NELL1: variants seen among roughly 807,000 people sequenced by gnomAD.
NELL1 encodes the protein neural EGFL like 1.
NELL1 carries 76 observed loss-of-function variants against 107.4 expected under a neutral mutation model. The ratio of observed to expected loss-of-function variants is 0.71; its 90% CI spans 0.59 to 0.86. The LOEUF is 0.86. NELL1 is among the 40% of genes least tolerant of loss of function. The pLI is 0.00. For missense variants in NELL1, 1,024 were observed against 1,005.5 expected (o/e 1.02, Z -0.25); for synonymous variants, 353 against 341.2 (o/e 1.03, Z -0.38).
chr11:20,956,721 GT>G (rs1281356526), intron 11 of NELL1, among the ~76,000 whole-genome samples: 1 of 151,758 alleles, frequency 6.6e-6, no homozygotes, highest in Non-Finnish European at 1.5e-5. Flanking sequence ...GATTTATACT[GT>G]TTGTTAGCTG....
At chr11:21,134,983 C>G (rs1855711821) in intron 13 of NELL1, among the ~76,000 whole-genome samples, 1 of 152,120 alleles carries the variant, frequency 6.6e-6, no homozygotes, top group Admixed American at 6.6e-5. Flanking sequence ...GTGTAAAAGA[C>G]CGAATGCCTA....
chr11:21,317,495 A>T (rs1011076902), intron 14 of NELL1, among the ~76,000 whole-genome samples: 1 of 152,012 alleles, frequency 6.6e-6, no homozygotes. Flanking sequence ...TGCCTTACAT[A>T]TTTTATCTCT....
At chr11:20,832,360 G>A (rs983964183) in intron 3 of NELL1, among the ~76,000 whole-genome samples, 11 of 152,042 alleles carry the variant, frequency 7.2e-5, no homozygotes, top group Middle Eastern at 3.2e-3. Context: ...GTTCTCTCGC[G>A]GTACTTATCC....
chr11:21,364,312 G>A (rs1851159919), intron 14 of NELL1, among the ~76,000 whole-genome samples: 1 of 148,682 alleles, frequency 6.7e-6, no homozygotes, highest in African/African-American at 2.5e-5. Flanking sequence ...TCGGGAGGCC[G>A]AGGCAGTAGA....
chr11:21,207,811 G>A (rs577769695), intron 13 of NELL1, among the ~76,000 whole-genome samples: 1 of 152,222 alleles, frequency 6.6e-6, no homozygotes, highest in East Asian at 1.9e-4. Flanking sequence ...ACAGTGCTGG[G>A]ATTTGTATCT....
intron 11 of NELL1, among the ~76,000 whole-genome samples, chr11:20,959,825 TA>T (rs2134213695): frequency 6.6e-6 from 1 of 152,276 alleles, no homozygotes; most frequent in East Asian, 1.9e-4. Context: ...AAATATTTTT[TA>T]AAAAAGCATA....
chr11:21,562,402 T>G (rs1472501597), intron 17 of NELL1, among the ~76,000 whole-genome samples: 1 of 151,872 alleles, frequency 6.6e-6, no homozygotes, highest in Non-Finnish European at 1.5e-5. Context: ...ACAGGCAGAT[T>G]TCTGTACATA....
chr11:20,723,232 A>G (rs2403619), intron 2 of NELL1, among the ~76,000 whole-genome samples: 107,764 of 152,106 alleles, frequency 0.71, 41,332 homozygotes, highest in East Asian at 0.95. Context: ...GTAAAGTCTT[A>G]ACTCAGTCCA....
At chr11:20,677,571 G>C (rs996863730) in intron 1 of NELL1, among the ~76,000 whole-genome samples, 4 of 152,182 alleles carry the variant, frequency 2.6e-5, no homozygotes, top group South Asian at 2.1e-4. Flanking sequence ...TGTTGTACTT[G>C]ATTATGGGGT....
intron 3 of NELL1, among the ~76,000 whole-genome samples, chr11:20,790,903 A>T (rs1453670252): frequency 2.0e-5 from 3 of 152,224 alleles, no homozygotes; most frequent in African/African-American, 7.2e-5. Flanking sequence ...GCTGCTCCAG[A>T]CAGCCTGCCG....
intron 14 of NELL1, among the ~76,000 whole-genome samples, chr11:21,254,678 G>A (rs886815062): frequency 1.3e-5 from 2 of 152,052 alleles, no homozygotes; most frequent in Admixed American, 6.6e-5. Flanking sequence ...GGCGGTTCAG[G>A]TGGCAGATAC....
chr11:21,262,985 C>A (rs868860878), intron 14 of NELL1, among the ~76,000 whole-genome samples: 2 of 151,806 alleles, frequency 1.3e-5, no homozygotes, highest in African/African-American at 4.8e-5. Context: ...CTGGAGACTT[C>A]GTTCACTTTA....
At chr11:21,502,316 G>A (rs1241640940) in intron 15 of NELL1, among the ~76,000 whole-genome samples, 1 of 152,140 alleles carries the variant, frequency 6.6e-6, no homozygotes, top group Non-Finnish European at 1.5e-5. Context: ...CACATGACAA[G>A]GTAGCAACAG....
intron 14 of NELL1, among the ~76,000 whole-genome samples, chr11:21,309,646 G>A (rs1590825182): frequency 6.6e-6 from 1 of 152,074 alleles, no homozygotes. Flanking sequence ...AAGGAAAAGA[G>A]GCTTAATGGA....
intron 5 of NELL1, among the ~76,000 whole-genome samples, chr11:20,916,629 G>A (rs900494993): frequency 3.3e-5 from 5 of 151,854 alleles, no homozygotes; most frequent in African/African-American, 9.7e-5. Context: ...CATCGCCTGG[G>A]GTAACCAGCT....
At chr11:20,836,312 G>A (rs1848534323) in intron 3 of NELL1, among the ~76,000 whole-genome samples, 1 of 151,416 alleles carries the variant, frequency 6.6e-6, no homozygotes, top group Admixed American at 6.6e-5. Flanking sequence ...TTGCTGGTGG[G>A]AATGAATAGC....
chr11:21,360,557 T>C (rs1851053692), intron 14 of NELL1, among the ~76,000 whole-genome samples: 1 of 152,188 alleles, frequency 6.6e-6, no homozygotes, highest in Non-Finnish European at 1.5e-5. Context: ...ACTTTCCATC[T>C]TGATAATCTG....
chr11:21,575,302 G>T lies in NELL1; in HGVS notation c.*280G>T, dbSNP rs752733213. 1 of 339,600 alleles carries T rather than the reference G, an allele frequency of 2.9e-6. No individual in the cohort carries two copies. Among genetic ancestry groups the T allele is most frequent in the South Asian group, 6.4e-5 (1 of 15,684 alleles). 21.0% of individuals were successfully genotyped at this position (339,600 alleles called of 1,614,324 possible). On this transcript the variant is annotated 3_prime_UTR_variant, in exon 20 of 20. Transcript: ENST00000357134. The stretch of plus-strand genomic sequence containing the variant: ...GTTGTAAATCATGTTTCCCTTATCA[G>T]ATCATTTGCAAATACATTTAAATGA...
At chr11:20,870,327 C>T (rs1849173029) in intron 4 of NELL1, among the ~76,000 whole-genome samples, 1 of 151,972 alleles carries the variant, frequency 6.6e-6, no homozygotes, top group Non-Finnish European at 1.5e-5. Context: ...CAGTTTTTTT[C>T]CTTCTTCGAA....
Sources: gnomAD v4.1 joint callset for allele counts (sites outside exome capture counted in the v4.1 genomes callset) on GRCh38, gnomAD v4.1.1 for gene constraint, MANE v1.5 for transcripts, NCBI Gene and HGNC (gene_info 2026-07-23, HGNC 2026-07-21) for gene names.